Variants in RRS1 observed in about 807,000 individuals in gnomAD.
RRS1 encodes the protein ribosome biogenesis regulatory protein homolog.
In RRS1, 10 loss-of-function variants were observed where a neutral mutation model predicts 23.1. That is an observed-to-expected ratio of 0.43 (90% CI 0.27 to 0.74). RRS1 has a LOEUF of 0.74. Ranked by LOEUF, RRS1 falls within the 30% of genes least tolerant of loss-of-function variation. The probability of loss-of-function intolerance (pLI) is 0.19; values close to 1 mark genes in which losing one functional copy is unlikely to be tolerated. For synonymous variants in RRS1, 198 were observed against 207.7 expected, an observed-to-expected ratio of 0.95 and a Z score of 0.40; for missense variants, 485 against 484.3, an observed-to-expected ratio of 1.00 and a Z score of -0.01.
chr8:66,430,410 T>C lies in RRS1; in HGVS notation c.*181T>C. On this transcript the variant is annotated 3_prime_UTR_variant, in exon 1 of 1. Coordinates refer to ENST00000320270, the MANE Select transcript of RRS1 (RefSeq NM_015169.4). ...GTTGGACTGCACAAATTAATGTTTT[T>C]CCCACAACCGAGACTTTGGAGATTA... is the stretch of plus-strand genomic sequence containing the variant. 1.6e-6 allele frequency: 1 copy of C among 630,870 alleles called. No individual in the cohort carries two copies. The highest frequency in any genetic ancestry group is 2.7e-6 in the Non-Finnish European group (1 of 366,828). The allele number at this position is 630,870 out of a possible 1,614,324, so 39.1% of individuals were successfully genotyped here. A position where few individuals can be genotyped will look rare whatever the true frequency, so the allele number is the denominator to read the frequency against.
In RRS1 at chr8:66,430,242, G is replaced by C. The variant is rs202045199; in HGVS notation, c.*13G>C. 9.3e-6 allele frequency: 15 copies of C among 1,613,518 alleles called. No homozygotes were observed. The East Asian group carries it at 2.9e-4, about 31-fold the overall frequency. On this transcript the variant is annotated 3_prime_UTR_variant, in exon 1 of 1. Transcript: ENST00000320270. ...GAGGAGGAAGTAATAGTTTCTAACT[G>C]TCGGACCCGTCTGTAAACCAAGGAC...
chr8:66,429,785 GGGCCGCGCCATGCA>G lies in RRS1; in HGVS notation c.655_668del (p.Gly219SerfsTer63), dbSNP rs1563482457. The G allele has an allele frequency of 6.2e-7, 1 of 1,612,832 alleles. No homozygotes were observed. Among genetic ancestry groups the G allele is most frequent in the East Asian group, 2.2e-5 (1 of 44,870 alleles). Reference sequence around the variant, plus strand: ...CCGGACACCAGAGTAAGGAGGAGCTGGGCCGCGCCATGCAAGTGGCCAAGGTCTCCACCGCCTCT... The same window carrying G: ...CCGGACACCAGAGTAAGGAGGAGCTGAGTGGCCAAGGTCTCCACCGCCTCT... On this transcript the variant is annotated frameshift_variant, in exon 1 of 1. Coordinates refer to ENST00000320270, the MANE Select transcript of RRS1 (RefSeq NM_015169.4). LOFTEE classifies it high-confidence loss of function. This position sits in a 1 kb window ranked among gnomAD's most constrained non-coding sequence, Gnocchi z 5.1.
Position 66,430,036 on chromosome 8 carries a change from A to G in RRS1, c.905A>G (p.Lys302Arg). The change falls in exon 1 of 1, where the codon AAG (lysine) becomes AGG (arginine). Residue 302 changes from lysine to arginine, a missense_variant. Transcript: ENST00000320270. The part of the protein sequence containing the change: ...MREEDQEEAA[K>R]RRKMSQKGKR... ...GAGGAGGACCAGGAGGAGGCCGCCA[A>G]GAGGAGGAAAATGAGCCAGAAGGGC... The G allele has an allele frequency of 6.2e-7, 1 of 1,610,818 alleles. No homozygotes were observed. The highest frequency in any genetic ancestry group is 8.5e-7 in the Non-Finnish European group (1 of 1,178,882).
chr8:66,430,083 G>A lies in RRS1; in HGVS notation c.952G>A (p.Gly318Arg), dbSNP rs1272212036. Residue 318 changes from glycine (G) to arginine (R), a missense_variant, in exon 1 of 1, where the codon GGG becomes AGG. Coordinates refer to ENST00000320270, the MANE Select transcript of RRS1 (RefSeq NM_015169.4). ...GGGCAAGAGAAAGGGAGGCCGGCAG[G>A]GGCCTGGGGGCAAGAGGAAAGGGGG... is the stretch of plus-strand genomic sequence containing the variant. ...QKGKRKGGRQGPGGKRKGGPP... is the reference protein window; with the variant it reads ...QKGKRKGGRQRPGGKRKGGPP... 4 of 1,610,284 alleles carry A rather than the reference G, an allele frequency of 2.5e-6. No individual in the cohort carries two copies. Among genetic ancestry groups the A allele is most frequent in the African/African-American group, 2.7e-5 (2 of 74,462 alleles).
chr8:66,430,107 G>A lies in RRS1; in HGVS notation c.976G>A (p.Gly326Ser), dbSNP rs745359046. The A allele has an allele frequency of 9.9e-6, 16 of 1,613,556 alleles. No homozygotes were observed. The highest frequency in any genetic ancestry group is 1.4e-5 in the Non-Finnish European group (16 of 1,179,856). ...RQGPGGKRKG[G>S]PPSQGGKRKG... ...GGGGCCTGGGGGCAAGAGGAAAGGG[G>A]GCCCGCCCAGCCAGGGAGGGAAGAG... Residue 326 changes from glycine (G) to serine (S), a missense_variant, in exon 1 of 1, where the codon GGC becomes AGC. Physicochemically the swap from Gly to Ser is moderately conservative, Grantham distance 56. Transcript: ENST00000320270.
Position 66,429,209 on chromosome 8 carries a change from G to T in RRS1, c.78G>T (p.Val26=), listed in dbSNP as rs1805165047. 4 of 1,613,374 alleles carry T rather than the reference G, an allele frequency of 2.5e-6. No individual in the cohort carries two copies. The East Asian group carries it at 6.7e-5, about 27-fold the overall frequency. Residue 26 remains valine, a synonymous_variant, in exon 1 of 1, where the codon GTG becomes GTT. Coordinates refer to ENST00000320270, the MANE Select transcript of RRS1 (RefSeq NM_015169.4). This position sits in a 1 kb window ranked among gnomAD's most constrained non-coding sequence, Gnocchi z 5.1. ...DEAEKLQRIT[V]HKELELQFDL... ...CAGAGAAGTTGCAACGCATCACGGT[G>T]CACAAGGAGCTGGAGCTGCAGTTTG...
rs762895118 is a variant in RRS1 at position 66,429,947 on chromosome 8, T to A, written c.816T>A (p.Leu272=). The change falls in exon 1 of 1, where the codon CTT becomes CTA. Residue 272 remains leucine, a synonymous_variant. Transcript: ENST00000320270. The surrounding 1 kb of genome is among the most constrained non-coding windows in gnomAD (Gnocchi z 5.1). ...AAEKKNQLEL[L]RVMNSKKPQL... ...AGAAAAAGAACCAGTTGGAGCTGCT[T>A]CGTGTCATGAACAGCAAGAAGCCTC... 2.5e-6 allele frequency: 4 copies of A among 1,613,970 alleles called. No individual in the cohort carries two copies. Among genetic ancestry groups the A allele is most frequent in the Non-Finnish European group, 3.4e-6 (4 of 1,180,008 alleles).
rs1805199763 is a variant in RRS1, at chr8:66,430,271, G to GTAACCCGTCTGTAAACCA, written c.*42_*43insTAACCCGTCTGTAAACCA. 6.2e-7 allele frequency: 1 copy of GTAACCCGTCTGTAAACCA among 1,606,192 alleles called. No homozygotes were observed. Among genetic ancestry groups the GTAACCCGTCTGTAAACCA allele is most frequent in the Admixed American group, 1.7e-5 (1 of 58,790 alleles). ...GACCCGTCTGTAAACCAAGGACTATGAATACTAAATGTTAAGTTCTAGGCA... is the reference window on the plus strand; with the variant it reads ...GACCCGTCTGTAAACCAAGGACTATGTAACCCGTCTGTAAACCAAATACTAAATGTTAAGTTCTAGGCA... On this transcript the variant is annotated 3_prime_UTR_variant, in exon 1 of 1. Coordinates refer to ENST00000320270, the MANE Select transcript of RRS1 (RefSeq NM_015169.4).
Position 66,430,222 on chromosome 8 carries a change from G to C in RRS1, c.1091G>C (p.Arg364Thr). ...GGACAGCGCCCAGGAGGAAAGAGGA[G>C]GAAGTAATAGTTTCTAACTGTCGGA... The part of the protein sequence containing the change: ...KGGQRPGGKR[R>T]K The change falls in exon 1 of 1, where the codon AGG becomes ACG. Residue 364 changes from arginine to threonine, a missense_variant. Physicochemically the swap from Arg to Thr is moderately conservative, Grantham distance 71 (BLOSUM62 -1). Coordinates refer to ENST00000320270, the MANE Select transcript of RRS1 (RefSeq NM_015169.4). 1.2e-6 allele frequency: 2 copies of C among 1,614,086 alleles called. No individual in the cohort carries two copies. Among genetic ancestry groups the C allele is most frequent in the South Asian group, 1.1e-5 (1 of 91,068 alleles).
Position 66,430,444 on chromosome 8 carries a change from T to A in RRS1, c.*215T>A. Reference sequence around the variant, plus strand: ...CGAGACTTTGGAGATTAAGAACTTATTTGAGGATTTAAGAATTAGGGAAAT... The same window carrying A: ...CGAGACTTTGGAGATTAAGAACTTAATTGAGGATTTAAGAATTAGGGAAAT... On this transcript the variant is annotated 3_prime_UTR_variant, in exon 1 of 1. Coordinates refer to ENST00000320270, the MANE Select transcript of RRS1 (RefSeq NM_015169.4). 1 of 539,972 alleles carries A rather than the reference T, an allele frequency of 1.9e-6. No individual in the cohort carries two copies. The highest frequency in any genetic ancestry group is 3.5e-5 in the Admixed American group (1 of 28,264). 33.4% of individuals were successfully genotyped at this position (539,972 alleles called of 1,614,324 possible). A position where few individuals can be genotyped will look rare whatever the true frequency, so the allele number is the denominator to read the frequency against.
At position 66,430,312 on chromosome 8, in the gene RRS1, A is replaced by C. The variant is rs549617911; in HGVS notation, c.*83A>C. On this transcript the variant is annotated 3_prime_UTR_variant, in exon 1 of 1. Coordinates refer to ENST00000320270, the MANE Select transcript of RRS1 (RefSeq NM_015169.4). Reference sequence around the variant, plus strand: ...GTTCTAGGCAATTATACGGGGACTCAGAAGGACCTGGCCGCTGCCTTCATT... The same window carrying C: ...GTTCTAGGCAATTATACGGGGACTCCGAAGGACCTGGCCGCTGCCTTCATT... The C allele has an allele frequency of 4.8e-6, 7 of 1,456,664 alleles. No individual in the cohort carries two copies. The highest frequency in any genetic ancestry group is 5.6e-6 in the Non-Finnish European group (6 of 1,062,936). The allele number at this position is 1,456,664 out of a possible 1,614,324, so 90.2% of individuals were successfully genotyped here.
rs148064947 is a variant in RRS1, at chr8:66,430,511, CT to C, written c.*291del. 5.3e-4 allele frequency: 201 copies of C among 381,756 alleles called. 1 individual carries two copies. The highest frequency in any genetic ancestry group is 3.8e-4 in the South Asian group (6 of 15,970). The allele number at this position is 381,756 out of a possible 1,614,324, so 23.6% of individuals were successfully genotyped here. On this transcript the variant is annotated 3_prime_UTR_variant, in exon 1 of 1. Coordinates refer to ENST00000320270, the MANE Select transcript of RRS1 (RefSeq NM_015169.4). ...GGAATGAGTTCTATTCTTAAACAGC[CT>C]TTTTTTTTCTTTTTAATGTTGGATA...
Position 66,429,060 on chromosome 8 carries a change from G to A in RRS1, c.-72G>A, listed in dbSNP as rs375243098. On this transcript the variant is annotated 5_prime_UTR_variant, in exon 1 of 1. Transcript: ENST00000320270. The surrounding 1 kb of genome is among the most constrained non-coding windows in gnomAD (Gnocchi z 5.1). ...GGCATCTGCACGTGGTTATGCTGCC[G>A]GAGTTTGGGCCGCCACTGTAGGAAA... The A allele has an allele frequency of 7.2e-6, 11 of 1,531,894 alleles. No homozygotes were observed. The African/African-American group carries it at 8.3e-5, about 12-fold the overall frequency. 94.9% of individuals were successfully genotyped at this position (1,531,894 alleles called of 1,614,324 possible). A position where few individuals can be genotyped will look rare whatever the true frequency, so the allele number is the denominator to read the frequency against.
At position 66,429,312 on chromosome 8, in the gene RRS1, C is replaced by G; in HGVS notation, c.181C>G (p.Leu61Val). The G allele has an allele frequency of 6.4e-7, 1 of 1,557,234 alleles. No individual in the cohort carries two copies. The highest frequency in any genetic ancestry group is 8.7e-7 in the Non-Finnish European group (1 of 1,150,510). The change falls in exon 1 of 1, where the codon CTA (leucine) becomes GTA (valine). Residue 61 changes from leucine (L) to valine (V), a missense_variant. By Grantham distance (32) the Leu-to-Val change is conservative. Coordinates refer to ENST00000320270, the MANE Select transcript of RRS1 (RefSeq NM_015169.4). The surrounding 1 kb of genome is among the most constrained non-coding windows in gnomAD (Gnocchi z 5.1). Reference protein sequence around the residue: ...RCAGPTPEAELQALARDNTQL... With the variant: ...RCAGPTPEAEVQALARDNTQL... ...CGCCGGACCCACGCCGGAGGCCGAG[C>G]TACAGGCCCTGGCGCGGGACAACAC... is the stretch of plus-strand genomic sequence containing the variant.
chr8:66,429,104 C>T lies in RRS1; in HGVS notation c.-28C>T, dbSNP rs1805161849. 3 of 1,583,958 alleles carry T rather than the reference C, an allele frequency of 1.9e-6. 1 individual carries two copies. The South Asian group carries it at 3.4e-5, about 18-fold the overall frequency. On this transcript the variant is annotated 5_prime_UTR_variant, in exon 1 of 1. Coordinates refer to ENST00000320270, the MANE Select transcript of RRS1 (RefSeq NM_015169.4). This position sits in a 1 kb window ranked among gnomAD's most constrained non-coding sequence, Gnocchi z 5.1. ...TAGGAAAAGTAACTTCAGCTGCAGC[C>T]CCAAAGCGAGTGAGCCGAGCCGGAG...
rs1254843698 is a variant in RRS1 at position 66,430,542 on chromosome 8, G to T, written c.*313G>T. The T allele has an allele frequency of 6.2e-6, 2 of 322,448 alleles. No individual in the cohort carries two copies. Among genetic ancestry groups the T allele is most frequent in the Non-Finnish European group, 1.2e-5 (2 of 168,462 alleles). 20.0% of individuals were successfully genotyped at this position (322,448 alleles called of 1,614,324 possible). ...TTTTCTTTTTAATGTTGGATATACG[G>T]CGAGGTAGAGTTGGCCATATTTCAG... On this transcript the variant is annotated 3_prime_UTR_variant, in exon 1 of 1. Coordinates refer to ENST00000320270, the MANE Select transcript of RRS1 (RefSeq NM_015169.4).
chr8:66,429,075 A>C lies in RRS1; in HGVS notation c.-57A>C, dbSNP rs764005808. 6.5e-7 allele frequency: 1 copy of C among 1,542,600 alleles called. No homozygotes were observed. The highest frequency in any genetic ancestry group is 2.3e-5 in the East Asian group (1 of 43,822). ...TTATGCTGCCGGAGTTTGGGCCGCCACTGTAGGAAAAGTAACTTCAGCTGC... is the reference window on the plus strand; with the variant it reads ...TTATGCTGCCGGAGTTTGGGCCGCCCCTGTAGGAAAAGTAACTTCAGCTGC... On this transcript the variant is annotated 5_prime_UTR_variant, in exon 1 of 1. Transcript: ENST00000320270. The surrounding 1 kb of genome is among the most constrained non-coding windows in gnomAD (Gnocchi z 5.1).
At position 66,429,484 on chromosome 8, in the gene RRS1, C is replaced by T. The variant is rs1586418027; in HGVS notation, c.353C>T (p.Ala118Val). The T allele has an allele frequency of 6.3e-7, 1 of 1,586,602 alleles. No homozygotes were observed. The highest frequency in any genetic ancestry group is 2.3e-5 in the East Asian group (1 of 43,402). Residue 118 changes from alanine (A) to valine (V), a missense_variant, in exon 1 of 1, where the codon GCG (alanine) becomes GTG (valine). Ala to Val is a moderately conservative substitution (Grantham distance 64). Transcript: ENST00000320270. This position sits in a 1 kb window ranked among gnomAD's most constrained non-coding sequence, Gnocchi z 5.1. ...CCACTTACACGCTGGCAGCAGTTCGCGCGCCTCAAGGGCATCCGTCCCAAG... is the reference window on the plus strand; with the variant it reads ...CCACTTACACGCTGGCAGCAGTTCGTGCGCCTCAAGGGCATCCGTCCCAAG... The part of the protein sequence containing the change: ...PRPLTRWQQF[A>V]RLKGIRPKKK...
chr8:66,429,042 G>C lies in RRS1; in HGVS notation c.-90G>C. 1 of 1,503,544 alleles carries C rather than the reference G, an allele frequency of 6.7e-7. No homozygotes were observed. The highest frequency in any genetic ancestry group is 8.9e-7 in the Non-Finnish European group (1 of 1,120,672). The allele number at this position is 1,503,544 out of a possible 1,614,324, so 93.1% of individuals were successfully genotyped here. On this transcript the variant is annotated 5_prime_UTR_variant, in exon 1 of 1. Coordinates refer to ENST00000320270, the MANE Select transcript of RRS1 (RefSeq NM_015169.4). This position sits in a 1 kb window ranked among gnomAD's most constrained non-coding sequence, Gnocchi z 5.1. ...TTCCGGATTGGGCATCCCGGCATCT[G>C]CACGTGGTTATGCTGCCGGAGTTTG...
Sources: allele counts gnomAD v4.1 joint callset, GRCh38; gene constraint gnomAD v4.1.1; non-coding constraint Gnocchi (gnomAD v3.1); transcripts MANE v1.5; gene names NCBI Gene and HGNC (gene_info 2026-07-23, HGNC 2026-07-21).